LPA: variants seen among roughly 807,000 people sequenced by gnomAD.
The protein encoded by LPA is apolipoprotein(a).
A neutral mutation model predicts 197.9 loss-of-function variants in LPA; 199 were observed. That is an observed-to-expected ratio of 1.01 (90% CI 0.90 to 1.13). LPA has a LOEUF of 1.13. Ranked by LOEUF, LPA falls within the 50% of genes most tolerant of loss-of-function variation. LPA has a pLI of 0.00. For synonymous variants in LPA, 715 were observed against 639.5 expected (o/e 1.12, Z -1.78); for missense variants, 1,853 against 1,785.8 (o/e 1.04, Z -0.68).
At chr6:160,653,988 A>ATTTT (rs1355029979) in intron 1 of LPA, among the ~76,000 whole-genome samples, 1 of 17,540 alleles carries the variant, frequency 5.7e-5, no homozygotes, top group African/African-American at 2.4e-4. Flanking sequence ...TATAATATAT[A>ATTTT]ATATATATTA....
chr6:160,578,276 T>A (rs932682393), intron 27 of LPA, among the ~76,000 whole-genome samples: 1 of 151,640 alleles, frequency 6.6e-6, no homozygotes, highest in African/African-American at 2.4e-5. Flanking sequence ...ACCAGGGGAG[T>A]GGTAAGTCCA....
In LPA at chr6:160,573,745, G is replaced by T. The variant is rs553729490; in HGVS notation, c.4631+3391C>A. 2.3e-3 allele frequency among the ~76,000 whole-genome samples: 345 copies of T among 152,292 alleles called. 1 individual carries two copies. Among genetic ancestry groups the T allele is most frequent in the African/African-American group, 7.9e-3 (328 of 41,566 alleles). ...TACCCAGCTCTGGGCTGGTACTGGGGACTGTCTGTACAGAGTCCTGTGATG... is the reference window on the plus strand; with the variant it reads ...TACCCAGCTCTGGGCTGGTACTGGGTACTGTCTGTACAGAGTCCTGTGATG... On this transcript the variant is annotated intron_variant, in intron 28 of 38. Transcript: ENST00000316300.
At chr6:160,570,568 G>T (rs573536801) in intron 28 of LPA, among the ~76,000 whole-genome samples, 12 of 152,106 alleles carry the variant, frequency 7.9e-5, no homozygotes, top group Admixed American at 4.6e-4. Context: ...ACACCAACAT[G>T]GCACATGTAT....
chr6:160,548,046 C>T, intron 31 of LPA, 109 bp from the exon 32 acceptor site: 1 of 1,151,978 alleles, frequency 8.7e-7, no homozygotes. Flanking sequence ...TCTAGGACGA[C>T]AGAATCAGGG....
intron 2 of LPA, 78 bp downstream of exon 2, chr6:160,650,260 A>C (rs559665422): frequency 1.5e-5 from 21 of 1,436,074 alleles, no homozygotes; most frequent in African/African-American, 1.4e-5. Flanking sequence ...AATCATAAGA[A>C]GTTAGCTTGA....
At position 160,650,479 on chromosome 6, in the gene LPA, T is replaced by G; in HGVS notation, c.68A>C (p.His23Pro). The stretch of plus-strand genomic sequence containing the variant: ...ACCATGGTAGCAATCCTGGACCACA[T>G]GGCTTTGCTCAGGTGCTGCTAAAAT... Reference protein sequence around the residue: ...FLKSAAPEQSHVVQDCYHGDG... With the variant: ...FLKSAAPEQSPVVQDCYHGDG... Residue 23 changes from histidine (H) to proline (P), a missense_variant, in exon 2 of 39, where the codon CAT (histidine) becomes CCT (proline). Transcript: ENST00000316300. 6.2e-7 allele frequency: 1 copy of G among 1,613,696 alleles called. No homozygotes were observed. Among genetic ancestry groups the G allele is most frequent in the East Asian group, 2.2e-5 (1 of 44,860 alleles).
At chr6:160,647,834 A>T (rs1779928279) in intron 2 of LPA, among the ~76,000 whole-genome samples, 1 of 152,224 alleles carries the variant, frequency 6.6e-6, no homozygotes, top group African/African-American at 2.4e-5. Flanking sequence ...TCAACTCGTC[A>T]ACTCTCATTT....
At chr6:160,560,783 A>G (rs953476581) in intron 28 of LPA, among the ~76,000 whole-genome samples, 28 of 152,096 alleles carry the variant, frequency 1.8e-4, no homozygotes, top group African/African-American at 6.8e-4. Context: ...TCTTTATTTT[A>G]ATTAGATCTG....
intron 26 of LPA, among the ~76,000 whole-genome samples, chr6:160,582,563 G>A (rs995209709): frequency 6.6e-6 from 1 of 152,024 alleles, no homozygotes; most frequent in Admixed American, 6.6e-5. Context: ...TTGTGTCACT[G>A]TTACTCTATG....
chr6:160,574,131 G>C (rs1320062204), intron 28 of LPA, among the ~76,000 whole-genome samples: 1 of 152,054 alleles, frequency 6.6e-6, no homozygotes. Context: ...TACCTAGGAG[G>C]ATTATGGCTG....
rs374395954 is a variant in LPA at position 160,548,560 on chromosome 6, C to T, written c.5073G>A (p.Thr1691=). Residue 1691 remains threonine (T), a synonymous_variant, in exon 31 of 39, where the codon ACG becomes ACA. Transcript: ENST00000316300. The part of the protein sequence containing the change: ...PSIRWEYCNL[T]RCSDTEGTVV... ...CAGTCCCTTCTGTGTCTGAGCATCGCGTCAGGTTGCAGTACTCCCACCTGA... is the reference window on the plus strand; with the variant it reads ...CAGTCCCTTCTGTGTCTGAGCATCGTGTCAGGTTGCAGTACTCCCACCTGA... 5.9e-5 allele frequency: 95 copies of T among 1,614,052 alleles called. 1 individual carries two copies. The highest frequency in any genetic ancestry group is 5.3e-4 in the African/African-American group (40 of 75,004).
intron 16 of LPA, among the ~76,000 whole-genome samples, chr6:160,607,580 C>A (rs1200486720): frequency 6.6e-6 from 1 of 152,146 alleles, no homozygotes; most frequent in Non-Finnish European, 1.5e-5. Context: ...GAAGCATTTG[C>A]TCTTCCTTAT....
At chr6:160,635,742 T>C (rs1268197155) in intron 6 of LPA, among the ~76,000 whole-genome samples, 1 of 97,370 alleles carries the variant, frequency 1.0e-5, no homozygotes, top group Non-Finnish European at 2.1e-5. Flanking sequence ...CTTCATATTC[T>C]AATGTGGGAG....
intron 1 of LPA, among the ~76,000 whole-genome samples, chr6:160,651,069 C>A (rs758445351): frequency 3.9e-5 from 6 of 152,176 alleles, no homozygotes; most frequent in Non-Finnish European, 7.4e-5. Flanking sequence ...TTGTGCCCAG[C>A]ATCCTGCATT....
intron 30 of LPA, among the ~76,000 whole-genome samples, chr6:160,550,745 A>T (rs1778154567): frequency 6.6e-6 from 1 of 152,198 alleles, no homozygotes; most frequent in Non-Finnish European, 1.5e-5. Flanking sequence ...ACCAGAAATT[A>T]GTTTTACCTT....
At position 160,531,865 on chromosome 6, in the gene LPA, C is replaced by G; in HGVS notation, c.5987G>C (p.Cys1996Ser). Reference sequence around the variant, plus strand: ...TAAAATGTATTTGTCCTTCTCGAAGCAAACCAGAGGCCCTCCACTGTCACC... The same window carrying G: ...TAAAATGTATTTGTCCTTCTCGAAGGAAACCAGAGGCCCTCCACTGTCACC... ...CQGDSGGPLV[C>S]FEKDKYILQG... The change falls in exon 39 of 39, where the codon TGC becomes TCC. Residue 1996 changes from cysteine (C) to serine (S), a missense_variant. Cys to Ser is a moderately radical substitution (Grantham distance 112). Coordinates refer to ENST00000316300, the MANE Select transcript of LPA (RefSeq NM_005577.4). 1 of 1,614,108 alleles carries G rather than the reference C, an allele frequency of 6.2e-7. No individual in the cohort carries two copies.
intron 26 of LPA, among the ~76,000 whole-genome samples, chr6:160,580,542 G>A (rs140539328): frequency 9.2e-5 from 14 of 152,204 alleles, no homozygotes; most frequent in Non-Finnish European, 1.8e-4. Context: ...ATGAGAGAGT[G>A]GCACATTCTA....
At chr6:160,634,382 C>T (rs529599696) in intron 7 of LPA, among the ~76,000 whole-genome samples, 1 of 105,328 alleles carries the variant, frequency 9.5e-6, no homozygotes, top group African/African-American at 4.3e-5. Flanking sequence ...GGGCAGAAAA[C>T]GATCCTATAT....
chr6:160,654,435 C>T (rs1387676776), intron 1 of LPA, among the ~76,000 whole-genome samples: 3 of 151,960 alleles, frequency 2.0e-5, no homozygotes, highest in Admixed American at 6.6e-5. Flanking sequence ...CCTTTTGCCA[C>T]ACCCTCACAG....
Sources: gnomAD v4.1 joint callset for allele counts (sites outside exome capture counted in the v4.1 genomes callset) on GRCh38, gnomAD v4.1.1 for gene constraint, MANE v1.5 for transcripts, NCBI Gene and HGNC (gene_info 2026-07-23, HGNC 2026-07-21) for gene names.